GRID2: variants seen among roughly 807,000 people sequenced by gnomAD.
GRID2 encodes the protein glutamate receptor ionotropic, delta-2.
In GRID2, 33 loss-of-function variants were observed where a neutral mutation model predicts 114.8. The observed-to-expected ratio is 0.29, with a 90% CI of 0.22 to 0.38. The LOEUF is 0.38. Among genes scored for constraint, GRID2 ranks in the 10% least tolerant of loss-of-function variants. GRID2 has a pLI of 1.00. For missense variants in GRID2, 1,184 were observed against 1,257.7 expected, an observed-to-expected ratio of 0.94 and a Z score of 0.89; for synonymous variants, 505 against 449.9, an observed-to-expected ratio of 1.12 and a Z score of -1.55.
intron 11 of GRID2, among the ~76,000 whole-genome samples, chr4:93,478,275 A>G (rs1002687899): frequency 2.6e-5 from 4 of 152,132 alleles, no homozygotes; most frequent in African/African-American, 9.7e-5. Flanking sequence ...ATCAGCATGT[A>G]AGGTTTATGT....
At chr4:92,675,551 A>G (rs1014574416) in intron 2 of GRID2, among the ~76,000 whole-genome samples, 2 of 133,030 alleles carry the variant, frequency 1.5e-5, no homozygotes, top group African/African-American at 5.5e-5. Flanking sequence ...TTGGGCTACA[A>G]TTTTTTTTTT....
chr4:92,709,624 C>T (rs1465180883), intron 2 of GRID2, among the ~76,000 whole-genome samples: 4 of 143,366 alleles, frequency 2.8e-5, no homozygotes, highest in Admixed American at 7.1e-5. Flanking sequence ...TTTGATCATT[C>T]TCCATATATT....
intron 8 of GRID2, among the ~76,000 whole-genome samples, chr4:93,372,801 G>A (rs1763054415): frequency 6.6e-6 from 1 of 152,114 alleles, no homozygotes; most frequent in South Asian, 2.1e-4. Context: ...ATATGACTGT[G>A]AGAAGATAGT....
intron 2 of GRID2, among the ~76,000 whole-genome samples, chr4:92,705,606 C>T (rs1241790093): frequency 2.6e-5 from 4 of 152,118 alleles, no homozygotes. Context: ...AAAGTCAATG[C>T]CACTTTTATT....
At chr4:93,771,837 A>G (rs897819871) in intron 15 of GRID2, among the ~76,000 whole-genome samples, 2 of 152,196 alleles carry the variant, frequency 1.3e-5, no homozygotes, top group African/African-American at 2.4e-5. Context: ...CATGTGGCAT[A>G]TGATCACTTT....
In GRID2 at chr4:93,681,789, T is replaced by G. The variant is rs919605109; in HGVS notation, c.2360+55354T>G. On this transcript the variant is annotated intron_variant, in intron 14 of 15. Coordinates refer to ENST00000282020, the MANE Select transcript of GRID2 (RefSeq NM_001510.4). ...TATACAAAAATTAATTCAAGTTGGATTAAAGACTTACATGTTAGACCTAAA... is the reference window on the plus strand; with the variant it reads ...TATACAAAAATTAATTCAAGTTGGAGTAAAGACTTACATGTTAGACCTAAA... 2.0e-5 allele frequency among the ~76,000 whole-genome samples: 3 copies of G among 152,182 alleles called. No homozygotes were observed. In the East Asian group the frequency reaches 5.8e-4, roughly 29 times the overall value.
chr4:93,359,054 G>T (rs894549824), intron 8 of GRID2, among the ~76,000 whole-genome samples: 3 of 152,020 alleles, frequency 2.0e-5, no homozygotes, highest in Non-Finnish European at 4.4e-5. Context: ...ACTCACCTCA[G>T]CTGGGCTTGC....
chr4:93,666,265 A>T (rs1373743893), intron 14 of GRID2, among the ~76,000 whole-genome samples: 1 of 152,088 alleles, frequency 6.6e-6, no homozygotes, highest in African/African-American at 2.4e-5. Flanking sequence ...CACCTTATAT[A>T]TTATATATAA....
chr4:92,738,264 A>G (rs1438032978), intron 2 of GRID2, among the ~76,000 whole-genome samples: 1 of 152,028 alleles, frequency 6.6e-6, no homozygotes, highest in East Asian at 1.9e-4. Context: ...TCTCTTTCAG[A>G]TGGATTGAAT....
At chr4:93,589,199 C>A (rs35253109) in intron 13 of GRID2, among the ~76,000 whole-genome samples, 1 of 116,934 alleles carries the variant, frequency 8.6e-6, no homozygotes, top group South Asian at 3.3e-4. Context: ...TATCCCTCCC[C>A]CCTCCCCCCA....
At chr4:93,744,650 G>A (rs1051219832) in intron 14 of GRID2, among the ~76,000 whole-genome samples, 2 of 152,182 alleles carry the variant, frequency 1.3e-5, no homozygotes, top group Non-Finnish European at 2.9e-5. Flanking sequence ...TGTGAACACT[G>A]TTGAAATAAC....
At chr4:92,460,053 T>TATATATATATAGATATATATATATATAC (rs1032538170) in intron 1 of GRID2, among the ~76,000 whole-genome samples, 1 of 99,804 alleles carries the variant, frequency 1.0e-5, no homozygotes, top group Non-Finnish European at 2.0e-5. Context: ...TATATATATA[T>TATATATATATAGATATATATATATATAC]ACACACACAA....
intron 2 of GRID2, among the ~76,000 whole-genome samples, chr4:92,729,471 G>A (rs576660083): frequency 6.6e-6 from 1 of 151,964 alleles, no homozygotes; most frequent in Non-Finnish European, 1.5e-5. Flanking sequence ...AATACTGCTT[G>A]AGTGGCTCAA....
At chr4:93,560,433 G>A (rs1734812992) in intron 13 of GRID2, among the ~76,000 whole-genome samples, 1 of 151,894 alleles carries the variant, frequency 6.6e-6, no homozygotes, top group African/African-American at 2.4e-5. Flanking sequence ...GGAAGCTGGA[G>A]CAAGTGTGGC....
downstream of GRID2, chr4:93,810,293 A>G (rs578169884): frequency 6.6e-6 from 1 of 152,068 alleles, no homozygotes; most frequent in African/African-American, 2.4e-5. Flanking sequence ...ACTTTTTACT[A>G]TCTTGGTTGA....
At chr4:93,027,201 A>G (rs1723959328) in intron 2 of GRID2, among the ~76,000 whole-genome samples, 1 of 151,938 alleles carries the variant, frequency 6.6e-6, no homozygotes, top group Non-Finnish European at 1.5e-5. Flanking sequence ...TTTATATAGG[A>G]TTACATTATT....
At chr4:92,447,348 T>A (rs1042014202) in intron 1 of GRID2, among the ~76,000 whole-genome samples, 5 of 152,168 alleles carry the variant, frequency 3.3e-5, no homozygotes, top group Admixed American at 1.3e-4. Flanking sequence ...TGGTAACACC[T>A]CCCAAGGCAA....
chr4:93,510,290 C>G (rs906038440), intron 12 of GRID2, among the ~76,000 whole-genome samples: 3 of 152,106 alleles, frequency 2.0e-5, no homozygotes, highest in South Asian at 2.1e-4. Flanking sequence ...TCTACACAAC[C>G]AGGCTAAATG....
intron 8 of GRID2, among the ~76,000 whole-genome samples, chr4:93,257,890 T>C (rs1439941692): frequency 2.0e-5 from 3 of 150,602 alleles, no homozygotes; most frequent in Non-Finnish European, 3.0e-5. Flanking sequence ...GAATAAAGGA[T>C]TTACCACATA....
Sources: allele counts gnomAD v4.1 joint callset (sites outside exome capture counted in the v4.1 genomes callset), GRCh38; gene constraint gnomAD v4.1.1; transcripts MANE v1.5; gene names NCBI Gene and HGNC (gene_info 2026-07-23, HGNC 2026-07-21).